The following PBX1 variants were observed in gnomAD, a reference collection of about 807,000 sequenced individuals.
The protein encoded by PBX1 is pre-B-cell leukemia transcription factor 1.
In PBX1, 6 loss-of-function variants were observed where a neutral mutation model predicts 53.4. That is an observed-to-expected ratio of 0.11 (90% CI 0.06 to 0.22). The LOEUF (loss-of-function observed/expected upper bound fraction) is 0.22. Ranked by LOEUF, PBX1 falls within the 10% of genes least tolerant of loss-of-function variation. PBX1 has a pLI of 1.00. For synonymous variants in PBX1, 204 were observed against 212.3 expected (o/e 0.96, Z 0.34); for missense variants, 251 against 551.4 (o/e 0.46, Z 5.46).
At chr1:164,776,089 G>A (rs1321922604) in intron 2 of PBX1, among the ~76,000 whole-genome samples, 1 of 152,116 alleles carries the variant, frequency 6.6e-6, no homozygotes, top group Non-Finnish European at 1.5e-5. Flanking sequence ...ACCGTTACCT[G>A]TCTGGCCCAT....
At chr1:164,659,098 A>G (rs560951744) in intron 2 of PBX1, among the ~76,000 whole-genome samples, 5 of 152,182 alleles carry the variant, frequency 3.3e-5, no homozygotes, top group Non-Finnish European at 5.9e-5. Context: ...TTCATTCATC[A>G]TCTCTTTTTC....
intron 2 of PBX1, among the ~76,000 whole-genome samples, chr1:164,647,297 G>A (rs1659512981): frequency 6.6e-6 from 1 of 152,194 alleles, no homozygotes; most frequent in African/African-American, 2.4e-5. Context: ...AACCACTAGG[G>A]AGGATGAGAA....
chr1:164,713,014 C>G (rs1663887187), intron 2 of PBX1, among the ~76,000 whole-genome samples: 1 of 152,168 alleles, frequency 6.6e-6, no homozygotes. Flanking sequence ...ATGGGTTAGG[C>G]TACGGGGAAA....
intron 2 of PBX1, among the ~76,000 whole-genome samples, chr1:164,786,231 CA>C (rs980095155): frequency 2.0e-5 from 3 of 150,402 alleles, no homozygotes; most frequent in Non-Finnish European, 2.9e-5. Flanking sequence ...TTGGAACAGA[CA>C]TTTAGTGTCA....
chr1:164,702,757 AC>A (rs1352673318), intron 2 of PBX1, among the ~76,000 whole-genome samples: 2 of 152,108 alleles, frequency 1.3e-5, no homozygotes, highest in African/African-American at 4.8e-5. Context: ...AAATGCCAGG[AC>A]CGTCCCTTCA....
At chr1:164,857,215 T>A (rs537100943) in intron 2 of PBX1, among the ~76,000 whole-genome samples, 1 of 152,296 alleles carries the variant, frequency 6.6e-6, no homozygotes, top group South Asian at 2.1e-4. Context: ...GACTCCCTCC[T>A]CAAATTCAAT....
chr1:164,568,224 C>G (rs1193137425), intron 2 of PBX1, among the ~76,000 whole-genome samples: 2 of 152,162 alleles, frequency 1.3e-5, no homozygotes. Flanking sequence ...GTGTCATAGG[C>G]ATATCTTAGG....
downstream of PBX1, among the ~76,000 whole-genome samples, chr1:164,852,672 T>C (rs531206488): frequency 6.6e-6 from 1 of 152,322 alleles, no homozygotes; most frequent in East Asian, 1.9e-4. Context: ...GTTGAGGTAA[T>C]AATCACTTAT....
At chr1:164,703,703 A>G (rs2102055540) in intron 2 of PBX1, among the ~76,000 whole-genome samples, 1 of 152,288 alleles carries the variant, frequency 6.6e-6, no homozygotes, top group South Asian at 2.1e-4. Flanking sequence ...GGCCATTTCT[A>G]CTGGCTGGAC....
chr1:164,701,687 A>G (rs536959177), intron 2 of PBX1, among the ~76,000 whole-genome samples: 9 of 152,222 alleles, frequency 5.9e-5, no homozygotes, highest in Non-Finnish European at 8.8e-5. Context: ...TTCAAGAGTA[A>G]TTAAAATGCC....
intron 2 of PBX1, among the ~76,000 whole-genome samples, chr1:164,788,752 T>TCC (rs11429159): frequency 0.04 from 2,746 of 68,892 alleles, 59 homozygotes; most frequent in African/African-American, 0.081. Context: ...CCCGCCGCCC[T>TCC]CCCCCCCCCG....
intron 2 of PBX1, among the ~76,000 whole-genome samples, chr1:164,858,852 G>A (rs972493884): frequency 1.3e-5 from 2 of 152,184 alleles, no homozygotes; most frequent in Non-Finnish European, 2.9e-5. Context: ...TGTTATTGAA[G>A]TTTGTCTTCA....
rs186037545 is a variant in PBX1, at chr1:164,698,702, A to G, written c.266-93792A>G. The stretch of plus-strand genomic sequence containing the variant: ...CCACCACTCAAGACCTCTGATTTCA[A>G]ATATGATTCTAATTGTATGTTTATC... On this transcript the variant is annotated intron_variant, in intron 2 of 8. Transcript: ENST00000420696. 2.2e-3 allele frequency among the ~76,000 whole-genome samples: 342 copies of G among 152,298 alleles called. 4 individuals carry two copies. Among genetic ancestry groups the G allele is most frequent in the African/African-American group, 6.8e-3 (283 of 41,572 alleles).
intron 2 of PBX1, chr1:164,642,796 C>T (rs1458401743): frequency 1.3e-5 from 2 of 152,166 alleles, no homozygotes; most frequent in Non-Finnish European, 2.9e-5. Context: ...TCTCTGCTCT[C>T]TGCTTGGACT....
chr1:164,884,889 G>A (rs1055752004), intron 2 of PBX1, among the ~76,000 whole-genome samples: 3 of 152,104 alleles, frequency 2.0e-5, no homozygotes, highest in Non-Finnish European at 4.4e-5. Context: ...TGAATAGCTA[G>A]GTATATATAT....
At chr1:164,722,030 C>T (rs1285010266) in intron 2 of PBX1, among the ~76,000 whole-genome samples, 2 of 151,982 alleles carry the variant, frequency 1.3e-5, no homozygotes, top group Admixed American at 6.6e-5. Context: ...TCTTTTAAAC[C>T]CAGTTTTATA....
chr1:164,767,209 G>A (rs1667102812), intron 2 of PBX1, among the ~76,000 whole-genome samples: 1 of 152,050 alleles, frequency 6.6e-6, no homozygotes, highest in Admixed American at 6.5e-5. Context: ...CTGAGGCAGG[G>A]CAGACTATAT....
intron 2 of PBX1, among the ~76,000 whole-genome samples, chr1:164,789,696 C>T (rs1668394343): frequency 6.6e-6 from 1 of 152,188 alleles, no homozygotes; most frequent in African/African-American, 2.4e-5. Context: ...CCTAAAATCT[C>T]TCAGTGTTGG....
intron 2 of PBX1, among the ~76,000 whole-genome samples, chr1:164,779,946 G>A (rs2102271945): frequency 6.6e-6 from 1 of 152,304 alleles, no homozygotes; most frequent in Non-Finnish European, 1.5e-5. Flanking sequence ...ATAAGGCCCA[G>A]CCTCAGGGAG....
Sources: allele counts gnomAD v4.1 joint callset (sites outside exome capture counted in the v4.1 genomes callset), GRCh38; gene constraint gnomAD v4.1.1; transcripts MANE v1.5; gene names NCBI Gene and HGNC (gene_info 2026-07-23, HGNC 2026-07-21).